The following RARB variants were observed in gnomAD, a reference collection of about 807,000 sequenced individuals.
RARB encodes the protein HBV-activated protein.
RARB carries 17 observed loss-of-function variants against 51.9 expected under a neutral mutation model. The ratio of observed to expected loss-of-function variants is 0.33; its 90% confidence interval spans 0.22 to 0.49. RARB has a LOEUF of 0.49. RARB is among the 20% of genes least tolerant of loss of function. The pLI is 0.99. For synonymous variants in RARB, 215 were observed against 195.4 expected, an observed-to-expected ratio of 1.10 and a Z score of -0.84; for missense variants, 369 against 550.8, an observed-to-expected ratio of 0.67 and a Z score of 3.30.
intron 2 of RARB, among the ~76,000 whole-genome samples, chr3:24,948,782 C>A (rs1212008169): frequency 6.6e-6 from 1 of 152,058 alleles, no homozygotes; most frequent in Non-Finnish European, 1.5e-5. Flanking sequence ...TCTGGCGGGA[C>A]CTCCCCCTTC....
chr3:25,519,039 A>G (rs769849517), intron 3 of RARB, among the ~76,000 whole-genome samples: 15 of 152,146 alleles, frequency 9.9e-5, no homozygotes, highest in Non-Finnish European at 1.8e-4. Flanking sequence ...GTCACAGTGT[A>G]TGCTCTTTTG....
intron 2 of RARB, among the ~76,000 whole-genome samples, chr3:25,480,929 A>G (rs969137633): frequency 3.3e-5 from 5 of 152,172 alleles, no homozygotes; most frequent in Admixed American, 6.5e-5. Context: ...TCCTATTCCC[A>G]GAGTTTCAGG....
At chr3:25,437,849 G>A (rs768011651) in intron 1 of RARB, among the ~76,000 whole-genome samples, 9 of 152,160 alleles carry the variant, frequency 5.9e-5, no homozygotes, top group South Asian at 2.1e-4. Flanking sequence ...TTTCTGGAGC[G>A]TGTTAAGTAA....
intron 2 of RARB, among the ~76,000 whole-genome samples, chr3:24,993,475 G>C (rs1008880467): frequency 6.6e-6 from 1 of 151,812 alleles, no homozygotes; most frequent in Non-Finnish European, 1.5e-5. Context: ...CAATACATTC[G>C]TACATATGAA....
chr3:25,053,509 G>A (rs995684563), intron 2 of RARB, among the ~76,000 whole-genome samples: 1 of 152,156 alleles, frequency 6.6e-6, no homozygotes, highest in Non-Finnish European at 1.5e-5. Flanking sequence ...TGCAAAGTTT[G>A]CATTGCCATT....
chr3:25,297,109 A>G (rs774347313), intron 5 of RARB, among the ~76,000 whole-genome samples: 12 of 152,150 alleles, frequency 7.9e-5, no homozygotes, highest in Non-Finnish European at 1.8e-4. Flanking sequence ...ATGTATATAA[A>G]CTTCAGGAAA....
At chr3:25,324,833 A>G (rs1415812027) in intron 5 of RARB, among the ~76,000 whole-genome samples, 1 of 152,056 alleles carries the variant, frequency 6.6e-6, no homozygotes, top group Non-Finnish European at 1.5e-5. Flanking sequence ...TCTCCCCTCC[A>G]TCCCTGACAG....
At chr3:25,382,142 C>A in intron 5 of RARB, among the ~76,000 whole-genome samples, 1 of 152,080 alleles carries the variant, frequency 6.6e-6, no homozygotes, top group Non-Finnish European at 1.5e-5. Context: ...AGTCCAAAAG[C>A]ATATAATAGG....
intron 5 of RARB, among the ~76,000 whole-genome samples, chr3:25,394,653 G>T (rs1707067013): frequency 6.6e-6 from 1 of 152,076 alleles, no homozygotes; most frequent in Non-Finnish European, 1.5e-5. Flanking sequence ...ATTATGTAAT[G>T]CCTCTCTTTG....
In RARB at chr3:24,990,083, G is replaced by A. The variant is rs1696878271; in HGVS notation, c.-379-70042G>A. On this transcript the variant is annotated intron_variant, in intron 2 of 11. Coordinates refer to the RARB transcript ENST00000383772. ...CAAAGTCCTGGGATTACAGGCGTGA[G>A]CCACCGCGCCCTGCCTTTCTTTTTA... is the stretch of plus-strand genomic sequence containing the variant. 1.9e-5 allele frequency among the ~76,000 whole-genome samples: 2 copies of A among 103,582 alleles called. 1 individual carries two copies. 68.0% of individuals were successfully genotyped at this position (103,582 alleles called of 152,430 possible).
chr3:25,161,262 G>T (rs1175340646), intron 4 of RARB, among the ~76,000 whole-genome samples: 2 of 151,132 alleles, frequency 1.3e-5, no homozygotes, highest in Non-Finnish European at 2.9e-5. Context: ...TTGCCAGGTT[G>T]CTCTGAAACT....
chr3:24,994,043 A>G (rs1285334870), intron 2 of RARB, among the ~76,000 whole-genome samples: 3 of 152,172 alleles, frequency 2.0e-5, no homozygotes, highest in African/African-American at 7.2e-5. Flanking sequence ...GCTGGGGCAT[A>G]TGGTGGTTCT....
chr3:25,086,007 C>T (rs9827724), intron 3 of RARB, among the ~76,000 whole-genome samples: 112,728 of 152,060 alleles, frequency 0.74, 42,247 homozygotes, highest in East Asian at 0.84. Flanking sequence ...GACTCAAGCT[C>T]CTTACATCTT....
At chr3:25,127,385 C>T (rs1217287135) in intron 3 of RARB, among the ~76,000 whole-genome samples, 1 of 152,198 alleles carries the variant, frequency 6.6e-6, no homozygotes, top group Non-Finnish European at 1.5e-5. Flanking sequence ...ATTCGTGCTT[C>T]TCTCTGAAAA....
chr3:24,961,964 C>T (rs1264482767), intron 2 of RARB, among the ~76,000 whole-genome samples: 4 of 113,436 alleles, frequency 3.5e-5, no homozygotes, highest in African/African-American at 1.4e-4. Flanking sequence ...GAGTCTTGCT[C>T]TGTCGCCCAG....
chr3:25,552,262 A>G (rs1422198007), intron 3 of RARB, among the ~76,000 whole-genome samples: 7 of 152,228 alleles, frequency 4.6e-5, no homozygotes, highest in Admixed American at 4.6e-4. Flanking sequence ...CAGGCTGGGC[A>G]AGGGAAAGTC....
At chr3:24,868,517 C>T (rs1702891165) in intron 2 of RARB, among the ~76,000 whole-genome samples, 1 of 152,112 alleles carries the variant, frequency 6.6e-6, no homozygotes, top group East Asian at 1.9e-4. Flanking sequence ...TCTGCATGGA[C>T]TCCTCCTCTT....
chr3:25,311,400 T>C (rs1704285347), intron 5 of RARB, among the ~76,000 whole-genome samples: 1 of 152,260 alleles, frequency 6.6e-6, no homozygotes, highest in South Asian at 2.1e-4. Flanking sequence ...TTTGGGTCGG[T>C]ACTAAAGGAT....
intron 5 of RARB, among the ~76,000 whole-genome samples, chr3:25,242,852 A>G (rs1702466077): frequency 6.6e-6 from 1 of 152,136 alleles, no homozygotes; most frequent in Admixed American, 6.6e-5. Context: ...AAGAAAGTCA[A>G]TGGTACTTTG....
Sources: allele counts gnomAD v4.1 joint callset (sites outside exome capture counted in the v4.1 genomes callset), GRCh38; gene constraint gnomAD v4.1.1; transcripts MANE v1.5; gene names NCBI Gene and HGNC (gene_info 2026-07-23, HGNC 2026-07-21).